The following SSX2IP variants were observed in gnomAD, a reference collection of about 807,000 sequenced individuals.
The protein encoded by SSX2IP is SSX family member 2 interacting protein, also known as afadin- and alpha-actinin-binding protein.
SSX2IP carries 55 observed loss-of-function variants against 84.9 expected under a neutral mutation model. The observed-to-expected ratio is 0.65, with a 90% CI of 0.52 to 0.81. SSX2IP has a LOEUF of 0.81. SSX2IP is among the 30% of genes least tolerant of loss of function. The pLI, the probability that SSX2IP is intolerant of heterozygous loss-of-function variation, is 0.00. For missense variants in SSX2IP, 664 were observed against 705.2 expected, an observed-to-expected ratio of 0.94 and a Z score of 0.66; for synonymous variants, 239 against 234.7, an observed-to-expected ratio of 1.02 and a Z score of -0.17.
intron 5 of SSX2IP, 100 bp from the exon 6 acceptor site, chr1:84,664,652 G>T: frequency 2.0e-6 from 2 of 1,025,482 alleles, no homozygotes; most frequent in East Asian, 2.9e-5. Context: ...TAAAATCCTA[G>T]GATGATTCTT....
At position 84,655,816 on chromosome 1, in the gene SSX2IP, C is replaced by G. The variant is rs1262698167; in HGVS notation, c.1389+16G>C. On this transcript the variant is annotated intron_variant, in intron 11 of 13. Transcript: ENST00000342203. ...ACCCCCAGTATTTTCAAAAGCACTA[C>G]AATTGTTTAAAATACCTCCAATCCC... is the stretch of plus-strand genomic sequence containing the variant. 6.2e-7 allele frequency: 1 copy of G among 1,610,652 alleles called. No individual in the cohort carries two copies. Among genetic ancestry groups the G allele is most frequent in the Non-Finnish European group, 8.5e-7 (1 of 1,178,470 alleles).
At chr1:84,678,771 C>T (rs1654702900) in intron 1 of SSX2IP, among the ~76,000 whole-genome samples, 1 of 152,204 alleles carries the variant, frequency 6.6e-6, no homozygotes, top group South Asian at 2.1e-4. Context: ...TGAAAGAGAG[C>T]TCTGCAGAAA....
chr1:84,673,464 C>A (rs1353768812), intron 1 of SSX2IP, among the ~76,000 whole-genome samples: 1 of 152,176 alleles, frequency 6.6e-6, no homozygotes, highest in Admixed American at 6.5e-5. Flanking sequence ...CGTAGGAAGT[C>A]GGATTTCCTC....
At position 84,650,356 on chromosome 1, in the gene SSX2IP, A is replaced by T; in HGVS notation, c.1670+6T>A. ...ACACGTGAAAAGATCACCTATAGAC[A>T]AATACCTATGTTCAGATATGCAGGA... is the stretch of plus-strand genomic sequence containing the variant. On this transcript the variant is annotated splice_donor_region_variant and intron_variant, in intron 13 of 13. Coordinates refer to ENST00000342203, the MANE Select transcript of SSX2IP (RefSeq NM_001166293.2). 2.5e-6 allele frequency: 4 copies of T among 1,614,204 alleles called. No homozygotes were observed. The highest frequency in any genetic ancestry group is 3.4e-6 in the Non-Finnish European group (4 of 1,180,012).
intron 1 of SSX2IP, among the ~76,000 whole-genome samples, chr1:84,672,566 C>T (rs999307591): frequency 6.6e-5 from 10 of 152,144 alleles, no homozygotes; most frequent in South Asian, 4.1e-4. Flanking sequence ...AAGTTGTACA[C>T]TTAAGATCTG....
intron 9 of SSX2IP, among the ~76,000 whole-genome samples, chr1:84,657,886 A>T (rs527782552): frequency 2.6e-5 from 4 of 152,266 alleles, no homozygotes; most frequent in African/African-American, 9.6e-5. Context: ...TAATCCAGAC[A>T]CTCTGGGGAG....
At position 84,645,990 on chromosome 1, in the gene SSX2IP, T is replaced by A. The variant is rs1649423512; in HGVS notation, c.*1443A>T. 6.6e-6 allele frequency: 1 copy of A among 152,068 alleles called. No individual in the cohort carries two copies. The highest frequency in any genetic ancestry group is 1.5e-5 in the Non-Finnish European group (1 of 68,010). 9.4% of individuals were successfully genotyped at this position (152,068 alleles called of 1,614,324 possible). A position where few individuals can be genotyped will look rare whatever the true frequency, so the allele number is the denominator to read the frequency against. ...GCTGCTGCTATGCAACTCCAAAGAGTTACATAGTTACGTATAGTGAATGGA... is the reference window on the plus strand; with the variant it reads ...GCTGCTGCTATGCAACTCCAAAGAGATACATAGTTACGTATAGTGAATGGA... On this transcript the variant is annotated 3_prime_UTR_variant, in exon 14 of 14. Transcript: ENST00000342203.
intron 13 of SSX2IP, among the ~76,000 whole-genome samples, chr1:84,649,237 C>T (rs972838873): frequency 1.3e-5 from 2 of 152,102 alleles, no homozygotes; most frequent in South Asian, 2.1e-4. Context: ...CGTGGGTTCA[C>T]GATCTTATCC....
Position 84,647,599 on chromosome 1 carries a change from T to C in SSX2IP, c.1679A>G (p.Asn560Ser), listed in dbSNP as rs1649618709. 1 of 1,592,410 alleles carries C rather than the reference T, an allele frequency of 6.3e-7. No individual in the cohort carries two copies. Residue 560 changes from asparagine to serine, a missense_variant, in exon 14 of 14, where the codon AAT becomes AGT. Coordinates refer to ENST00000342203, the MANE Select transcript of SSX2IP (RefSeq NM_001166293.2). ...RSCISEHSSI[N>S]VLNITAEEIK... is the part of the protein sequence containing the mutation. ...TTCTTCAGCAGTTATATTCAGTACATTGATTGAACTGTTGGGAAAAGAAAG... is the reference window on the plus strand; with the variant it reads ...TTCTTCAGCAGTTATATTCAGTACACTGATTGAACTGTTGGGAAAAGAAAG...
At chr1:84,664,800 C>T (rs1652531820) in intron 5 of SSX2IP, among the ~76,000 whole-genome samples, 1 of 152,088 alleles carries the variant, frequency 6.6e-6, no homozygotes, top group Non-Finnish European at 1.5e-5. Context: ...AGACTCTGAT[C>T]ATTTAAAAAC....
Position 84,669,703 on chromosome 1 carries a change from T to C in SSX2IP, c.404A>G (p.Gln135Arg), listed in dbSNP as rs148893195. 1.2e-6 allele frequency: 2 copies of C among 1,613,646 alleles called. No homozygotes were observed. The highest frequency in any genetic ancestry group is 1.7e-5 in the Admixed American group (1 of 59,978). Residue 135 changes from glutamine (Q) to arginine (R), a missense_variant, in exon 4 of 14, where the codon CAG becomes CGG. Gln to Arg is a conservative substitution (Grantham distance 43). Transcript: ENST00000342203. ...LKLGSDMDHL[Q>R]SCYSKLKEQL... ...TACCTTAAGTTTTGAGTAGCAGCTC[T>C]GTAGATGGTCCATATCACTTCCCAG... is the stretch of plus-strand genomic sequence containing the variant.
At chr1:84,685,388 C>T (rs934701446) in intron 1 of SSX2IP, among the ~76,000 whole-genome samples, 4 of 152,204 alleles carry the variant, frequency 2.6e-5, no homozygotes, top group Admixed American at 2.6e-4. Context: ...CCTGTACTAG[C>T]TAATTATGTG....
At chr1:84,687,623 C>CT (rs1193887845) in intron 1 of SSX2IP, among the ~76,000 whole-genome samples, 2 of 152,070 alleles carry the variant, frequency 1.3e-5, no homozygotes, top group Non-Finnish European at 2.9e-5. Context: ...TACTTCAAGT[C>CT]TAACTGCTGT....
chr1:84,670,784 TTC>T lies in SSX2IP; in HGVS notation c.73_74del (p.Glu25AsnfsTer36), dbSNP rs2102432012. Reference protein sequence around the residue: ...ESKTISQYTSETKMSPSSLYS... With the variant: ...ESKTISQYTSXTKMSPSSLYS... Reference sequence around the variant, plus strand: ...ATAAACTTGATGGAGACATCTTTGTTTCTGAGGTATATTGAGAGATAGTTTTG... The same window carrying T: ...ATAAACTTGATGGAGACATCTTTGTTTGAGGTATATTGAGAGATAGTTTTG... On this transcript the variant is annotated frameshift_variant, in exon 3 of 14. Coordinates refer to ENST00000342203, the MANE Select transcript of SSX2IP (RefSeq NM_001166293.2). LOFTEE classifies it high-confidence loss of function. 1.9e-6 allele frequency: 3 copies of T among 1,612,614 alleles called. No homozygotes were observed. The highest frequency in any genetic ancestry group is 2.5e-6 in the Non-Finnish European group (3 of 1,179,252).
rs1173053079 is a variant in SSX2IP, at chr1:84,671,370, C to G, written c.-89-62G>C. On this transcript the variant is annotated intron_variant, in intron 1 of 13. Transcript: ENST00000342203. ...TAAAATATGAAAGCCAATATAAACC[C>G]AATGCTTAAGAATTAGTTGTATGTG... 2.2e-6 allele frequency: 3 copies of G among 1,349,876 alleles called. No homozygotes were observed. The African/African-American group carries it at 4.5e-5, about 20-fold the overall frequency. 83.6% of individuals were successfully genotyped at this position (1,349,876 alleles called of 1,614,324 possible).
At chr1:84,648,952 T>C (rs1251953005) in intron 13 of SSX2IP, among the ~76,000 whole-genome samples, 1 of 152,226 alleles carries the variant, frequency 6.6e-6, no homozygotes, top group Non-Finnish European at 1.5e-5. Flanking sequence ...TAACTGGATT[T>C]CCTGGTTTAT....
At chr1:84,669,973 AG>A (rs2102420422) in intron 3 of SSX2IP, 80 bp from the exon 4 acceptor site, 1 of 962,788 alleles carries the variant, frequency 1.0e-6, no homozygotes, top group African/African-American at 1.6e-5. Flanking sequence ...TCAGTTAGAT[AG>A]GAAGAATAAG....
Position 84,645,866 on chromosome 1 carries a change from G to A in SSX2IP, c.*1567C>T, listed in dbSNP as rs188249920. On this transcript the variant is annotated 3_prime_UTR_variant, in exon 14 of 14. Coordinates refer to ENST00000342203, the MANE Select transcript of SSX2IP (RefSeq NM_001166293.2). ...GCTGAAGGTAGTGACTAATGCTCAA[G>A]AGCTAGCTCTTTAAAACTATAAATA... 4 of 152,228 alleles carry A rather than the reference G, an allele frequency of 2.6e-5. No individual in the cohort carries two copies. The highest frequency in any genetic ancestry group is 1.3e-4 in the Admixed American group (2 of 15,290). The allele number at this position is 152,228 out of a possible 1,614,324, so 9.4% of individuals were successfully genotyped here.
At chr1:84,674,265 G>A (rs1164614560) in intron 1 of SSX2IP, among the ~76,000 whole-genome samples, 1 of 152,068 alleles carries the variant, frequency 6.6e-6, no homozygotes, top group Non-Finnish European at 1.5e-5. Context: ...TGGCATAGAA[G>A]ACACACATAA....
Sources: allele counts gnomAD v4.1 joint callset (sites outside exome capture counted in the v4.1 genomes callset), GRCh38; gene constraint gnomAD v4.1.1; transcripts MANE v1.5; gene names NCBI Gene and HGNC (gene_info 2026-07-23, HGNC 2026-07-21).